SHISA6: variants seen among roughly 807,000 people sequenced by gnomAD.
SHISA6 encodes shisa family member 6.
Under a neutral mutation model 47.9 loss-of-function variants are expected in SHISA6, and 22 were observed. The observed-to-expected ratio is 0.46, with a 90% CI of 0.33 to 0.66. SHISA6 has a LOEUF of 0.66. Among genes scored for constraint, SHISA6 ranks in the 30% least tolerant of loss-of-function variants. SHISA6 has a pLI of 0.02. For synonymous variants in SHISA6, 388 were observed against 337.8 expected (o/e 1.15, Z -1.63); for missense variants, 680 against 764.6 (o/e 0.89, Z 1.30).
chr17:11,493,592 CACACAT>C (rs1204420230), intron 3 of SHISA6, among the ~76,000 whole-genome samples: 2 of 148,954 alleles, frequency 1.3e-5, no homozygotes, highest in Non-Finnish European at 3.0e-5. Flanking sequence ...CACACACACA[CACACAT>C]ACACACACCA....
At chr17:11,429,648 A>T (rs1914696617) in intron 3 of SHISA6, among the ~76,000 whole-genome samples, 1 of 150,538 alleles carries the variant, frequency 6.6e-6, no homozygotes, top group Non-Finnish European at 1.5e-5. Context: ...AAAATTAGCC[A>T]GGCATGGTGG....
chr17:11,378,349 G>A (rs1017236278), intron 2 of SHISA6, among the ~76,000 whole-genome samples: 16 of 152,014 alleles, frequency 1.1e-4, no homozygotes, highest in African/African-American at 2.9e-4. Context: ...GTGTGTGTGC[G>A]CGCACATGCA....
chr17:11,501,520 T>C (rs1350094517), intron 3 of SHISA6, among the ~76,000 whole-genome samples: 1 of 152,154 alleles, frequency 6.6e-6, no homozygotes, highest in Admixed American at 6.5e-5. Flanking sequence ...GAGGTTTTTT[T>C]AGTACTAGAA....
intron 3 of SHISA6, among the ~76,000 whole-genome samples, chr17:11,470,134 C>T (rs1915902353): frequency 6.6e-6 from 1 of 152,138 alleles, no homozygotes; most frequent in Non-Finnish European, 1.5e-5. Flanking sequence ...CTGAAACTTC[C>T]AGCATCTAGA....
rs183502930 is a variant in SHISA6, at chr17:11,250,810, C to T, written c.638+8750C>T. The stretch of plus-strand genomic sequence containing the variant: ...TGTGTCCCAGGAGCTTACACAACCC[C>T]ATCACTCATGCAAGCCCACAAGCCA... On this transcript the variant is annotated intron_variant, in intron 1 of 5. Transcript: ENST00000441885. Among the ~76,000 whole-genome samples the T allele has an allele frequency of 7.2e-5, 11 of 151,884 alleles. No homozygotes were observed. In the South Asian group the frequency reaches 2.1e-3, roughly 29 times the overall value.
At chr17:11,466,531 C>T (rs149460008) in intron 3 of SHISA6, among the ~76,000 whole-genome samples, 360 of 152,302 alleles carry the variant, frequency 2.4e-3, no homozygotes, top group Non-Finnish European at 4.0e-3. Context: ...TACTGTTCAG[C>T]CTGCCACCAG....
chr17:11,353,546 C>G (rs576224478), intron 2 of SHISA6, among the ~76,000 whole-genome samples: 2 of 151,936 alleles, frequency 1.3e-5, no homozygotes, highest in Admixed American at 6.5e-5. Context: ...GTCCCTTCAA[C>G]CAACAGATAA....
chr17:11,415,367 A>G (rs1429582476), intron 3 of SHISA6, among the ~76,000 whole-genome samples: 3 of 152,184 alleles, frequency 2.0e-5, no homozygotes, highest in South Asian at 2.1e-4. Flanking sequence ...GACCATTAGA[A>G]CACACCACAT....
chr17:11,354,848 C>T (rs563355467), intron 2 of SHISA6, among the ~76,000 whole-genome samples: 1 of 152,256 alleles, frequency 6.6e-6, no homozygotes, highest in African/African-American at 2.4e-5. Context: ...TCTCTTTCTT[C>T]CCAGTCTGTG....
chr17:11,342,393 C>T (rs1911563837), intron 2 of SHISA6, among the ~76,000 whole-genome samples: 1 of 151,832 alleles, frequency 6.6e-6, no homozygotes, highest in Non-Finnish European at 1.5e-5. Flanking sequence ...GGGGCTGCAG[C>T]CAGACCAGGC....
At chr17:11,328,001 A>T (rs919724317) in intron 2 of SHISA6, among the ~76,000 whole-genome samples, 3 of 152,168 alleles carry the variant, frequency 2.0e-5, no homozygotes, top group African/African-American at 7.2e-5. Flanking sequence ...TAAAAAATGT[A>T]TATATTTTTA....
At chr17:11,515,963 A>ATC (rs1402295040) in intron 3 of SHISA6, among the ~76,000 whole-genome samples, 1 of 152,270 alleles carries the variant, frequency 6.6e-6, no homozygotes, top group Non-Finnish European at 1.5e-5. Context: ...CTTTACAAGC[A>ATC]TCTCTCTCTC....
At chr17:11,528,887 TCTA>T (rs2071709505) in intron 3 of SHISA6, among the ~76,000 whole-genome samples, 1 of 152,144 alleles carries the variant, frequency 6.6e-6, no homozygotes, top group African/African-American at 2.4e-5. Flanking sequence ...TAGCTGCTAC[TCTA>T]CTATGAAAAT....
At chr17:11,299,077 G>A (rs78846149) in intron 2 of SHISA6, among the ~76,000 whole-genome samples, 86 of 152,316 alleles carry the variant, frequency 5.6e-4, no homozygotes, top group African/African-American at 2.0e-3. Context: ...TGAATCTTCT[G>A]TAGCTCCCAT....
chr17:11,321,854 A>AT (rs766082261), intron 2 of SHISA6, among the ~76,000 whole-genome samples: 7 of 152,058 alleles, frequency 4.6e-5, no homozygotes, highest in African/African-American at 7.2e-5. Flanking sequence ...GTCTTAAAAC[A>AT]TTGAGAGTTT....
chr17:11,259,403 G>A (rs1234291850), intron 1 of SHISA6, among the ~76,000 whole-genome samples: 3 of 152,228 alleles, frequency 2.0e-5, no homozygotes, highest in African/African-American at 7.2e-5. Context: ...GCATGTAAGA[G>A]CCAGTGTCTG....
chr17:11,423,255 A>ATT (rs1555534323), intron 3 of SHISA6, among the ~76,000 whole-genome samples: 2 of 144,012 alleles, frequency 1.4e-5, no homozygotes, highest in African/African-American at 5.1e-5. Context: ...ATATATATAT[A>ATT]ATATATATAT....
chr17:11,278,970 G>T (rs1057185170), intron 2 of SHISA6, among the ~76,000 whole-genome samples: 1 of 152,126 alleles, frequency 6.6e-6, no homozygotes, highest in East Asian at 1.9e-4. Flanking sequence ...GGTGCACTTC[G>T]GGGCCATTTA....
intron 3 of SHISA6, among the ~76,000 whole-genome samples, chr17:11,426,013 T>G (rs550367359): frequency 6.6e-6 from 1 of 152,206 alleles, no homozygotes; most frequent in South Asian, 2.1e-4. Context: ...GAGCACAAAT[T>G]CACCTCAACC....
Sources: allele counts gnomAD v4.1 joint callset (sites outside exome capture counted in the v4.1 genomes callset), GRCh38; gene constraint gnomAD v4.1.1; transcripts MANE v1.5; gene names NCBI Gene and HGNC (gene_info 2026-07-23, HGNC 2026-07-21).